The following ANKRD62 variants were observed in gnomAD, a reference collection of about 807,000 sequenced individuals.
ANKRD62 encodes ankyrin repeat domain 62, also known as ankyrin repeat domain-containing protein 62.
ANKRD62 carries 61 observed loss-of-function variants against 98.8 expected under a neutral mutation model. The observed-to-expected ratio is 0.62, with a 90% CI of 0.50 to 0.76. The LOEUF (loss-of-function observed/expected upper bound fraction) is 0.76. ANKRD62 is among the 30% of genes least tolerant of loss of function. ANKRD62 has a pLI of 0.00. For missense variants in ANKRD62, 933 were observed against 1,082.9 expected (o/e 0.86, Z 1.94); for synonymous variants, 341 against 367.9 (o/e 0.93, Z 0.84).
rs1219442355 is a variant in ANKRD62, at chr18:12,126,178, A to G, written c.2357A>G (p.Tyr786Cys). Reference sequence around the variant, plus strand: ...CAACTACAAAGCCAAAATCTGTTGTATCAACAGCAGTGTAATGATGCTCGC... The same window carrying G: ...CAACTACAAAGCCAAAATCTGTTGTGTCAACAGCAGTGTAATGATGCTCGC... ...LFQLQSQNLL[Y>C]QQQCNDARKK... Residue 786 changes from tyrosine (Y) to cysteine (C), a missense_variant, in exon 13 of 14, where the codon TAT (tyrosine) becomes TGT (cysteine). Physicochemically the swap from Tyr to Cys is radical, Grantham distance 194. Coordinates refer to ENST00000587848, the MANE Select transcript of ANKRD62 (RefSeq NM_001277333.2). The G allele has an allele frequency of 1.3e-6, 2 of 1,536,018 alleles. No homozygotes were observed. Among genetic ancestry groups the G allele is most frequent in the East Asian group, 2.4e-5 (1 of 40,934 alleles).
intron 3 of ANKRD62, 45 bp downstream of exon 3, chr18:12,095,655 G>A (rs1166261363): frequency 7.1e-7 from 1 of 1,417,130 alleles, no homozygotes; most frequent in Admixed American, 2.9e-5. Context: ...AAGTATATTT[G>A]TTTTACCATT....
chr18:12,095,676 T>C, intron 3 of ANKRD62, 66 bp downstream of exon 3: 1 of 1,354,376 alleles, frequency 7.4e-7, no homozygotes, highest in Non-Finnish European at 9.6e-7. Context: ...GACATATGAT[T>C]TTTTTTAGTA....
chr18:12,139,142 T>C, the ANKRD62 span, among the ~76,000 whole-genome samples: 1 of 152,244 alleles, frequency 6.6e-6, no homozygotes, highest in Non-Finnish European at 1.5e-5. Flanking sequence ...CTAGCCTTGA[T>C]GGTCTTTACA....
the ANKRD62 span, among the ~76,000 whole-genome samples, chr18:12,159,873 T>A: frequency 6.6e-6 from 1 of 152,154 alleles, no homozygotes; most frequent in Non-Finnish European, 1.5e-5. Context: ...AACACTACAT[T>A]TTTAGTTTTG....
chr18:12,145,285 C>G, the ANKRD62 span, among the ~76,000 whole-genome samples: 1 of 152,140 alleles, frequency 6.6e-6, no homozygotes, highest in Non-Finnish European at 1.5e-5. Context: ...TACCGCCCCC[C>G]ACCACATGGG....
At chr18:12,125,092 G>A (rs1347061704) in intron 12 of ANKRD62, among the ~76,000 whole-genome samples, 2 of 152,128 alleles carry the variant, frequency 1.3e-5, no homozygotes, top group African/African-American at 4.8e-5. Flanking sequence ...GGAAAGTAAA[G>A]GTTAGATGTT....
the ANKRD62 span, among the ~76,000 whole-genome samples, chr18:12,161,676 G>A: frequency 6.6e-6 from 1 of 151,924 alleles, no homozygotes; most frequent in Admixed American, 6.6e-5. Context: ...CCACCTCCTT[G>A]CCACTACCCT....
At chr18:12,178,219 G>A in the ANKRD62 span, among the ~76,000 whole-genome samples, 1 of 151,222 alleles carries the variant, frequency 6.6e-6, no homozygotes, top group African/African-American at 2.5e-5. Context: ...GAGAGGTGAG[G>A]AAGGAAGAGG....
chr18:12,151,878 A>G, the ANKRD62 span, among the ~76,000 whole-genome samples: 21 of 152,252 alleles, frequency 1.4e-4, 1 homozygote, highest in East Asian at 2.7e-3. Flanking sequence ...TGATGAAGGC[A>G]ATGTGACCAC....
At chr18:12,111,690 G>C (rs1909542370) in intron 8 of ANKRD62, among the ~76,000 whole-genome samples, 1 of 152,130 alleles carries the variant, frequency 6.6e-6, no homozygotes, top group Admixed American at 6.5e-5. Context: ...TTCTTAAGCT[G>C]ATACAACTTG....
chr18:12,102,255 C>G (rs1229102263), intron 6 of ANKRD62: 2 of 766,204 alleles, frequency 2.6e-6, no homozygotes, highest in African/African-American at 1.7e-5. Flanking sequence ...GAGCAAAACA[C>G]TGACGACCCT....
chr18:12,150,245 C>G, the ANKRD62 span, among the ~76,000 whole-genome samples: 1 of 151,964 alleles, frequency 6.6e-6, no homozygotes, highest in African/African-American at 2.4e-5. Flanking sequence ...GACAGTCAGA[C>G]AAAAAATTAT....
chr18:12,164,975 A>G, the ANKRD62 span, among the ~76,000 whole-genome samples: 13 of 151,986 alleles, frequency 8.6e-5, no homozygotes, highest in African/African-American at 3.1e-4. Context: ...GAGGGTGCAT[A>G]TGTACTTAGA....
intron 8 of ANKRD62, among the ~76,000 whole-genome samples, chr18:12,114,420 A>C (rs1450534644): frequency 1.3e-5 from 2 of 152,238 alleles, no homozygotes; most frequent in Non-Finnish European, 2.9e-5. Flanking sequence ...TATTACTTTC[A>C]TAGCATATTG....
the ANKRD62 span, among the ~76,000 whole-genome samples, chr18:12,150,823 A>C: frequency 6.6e-6 from 1 of 152,182 alleles, no homozygotes; most frequent in Non-Finnish European, 1.5e-5. Context: ...TAGAAAGACC[A>C]CCACCAGCTA....
chr18:12,093,892 C>T lies in ANKRD62; in HGVS notation c.-126C>T. ...CCGAGCAGCTGGAGACTGGAGTGTC[C>T]CTGACGGAGGTTGCGGCTGGACCTG... On this transcript the variant is annotated 5_prime_UTR_variant, in exon 1 of 14. Transcript: ENST00000587848. 1.2e-6 allele frequency: 1 copy of T among 849,174 alleles called. No individual in the cohort carries two copies. The allele number at this position is 849,174 out of a possible 1,614,324, so 52.6% of individuals were successfully genotyped here. A position where few individuals can be genotyped will look rare whatever the true frequency, so the allele number is the denominator to read the frequency against.
chr18:12,152,383 C>T, the ANKRD62 span, among the ~76,000 whole-genome samples: 1 of 152,206 alleles, frequency 6.6e-6, no homozygotes, highest in South Asian at 2.1e-4. Context: ...AAAGCTAATC[C>T]ACCACGATCA....
chr18:12,170,158 T>C, the ANKRD62 span, among the ~76,000 whole-genome samples: 1 of 152,242 alleles, frequency 6.6e-6, no homozygotes, highest in African/African-American at 2.4e-5. Context: ...TAGTTATTTC[T>C]TGCCTTCTGC....
intron 2 of ANKRD62, 51 bp from the exon 3 acceptor site, chr18:12,095,386 G>C: frequency 2.6e-6 from 4 of 1,539,172 alleles, no homozygotes; most frequent in Non-Finnish European, 2.6e-6. Flanking sequence ...GGTGAATCCT[G>C]TGGAAGATTT....
Sources: gnomAD v4.1 joint callset for allele counts (sites outside exome capture counted in the v4.1 genomes callset) on GRCh38, gnomAD v4.1.1 for gene constraint, MANE v1.5 for transcripts, NCBI Gene and HGNC (gene_info 2026-07-23, HGNC 2026-07-21) for gene names.